Variants in SLC39A12 observed in about 807,000 individuals in gnomAD.
The protein encoded by SLC39A12 is solute carrier family 39 member 12.
A neutral mutation model predicts 71.1 loss-of-function variants in SLC39A12; 63 were observed. The observed-to-expected ratio is 0.89, with a 90% CI of 0.72 to 1.09. The LOEUF is 1.09. Ranked by LOEUF, SLC39A12 falls within the 50% of genes least tolerant of loss-of-function variation. SLC39A12 has a pLI of 0.00. For synonymous variants in SLC39A12, 351 were observed against 301.3 expected, an observed-to-expected ratio of 1.16 and a Z score of -1.71; for missense variants, 892 against 812.6, an observed-to-expected ratio of 1.10 and a Z score of -1.19.
chr10:17,961,998 TG>T, intron 3 of SLC39A12, 136 bp downstream of exon 3: 1 of 867,556 alleles, frequency 1.2e-6, no homozygotes, highest in Non-Finnish European at 1.7e-6. Context: ...GGTTATGAGA[TG>T]TTAAATGACA....
intron 5 of SLC39A12, among the ~76,000 whole-genome samples, chr10:17,979,422 CTCT>C (rs1835198458): frequency 6.6e-6 from 1 of 152,198 alleles, no homozygotes. Flanking sequence ...GCATGGTATT[CTCT>C]TCTTGTTTCT....
chr10:17,953,417 A>G lies in SLC39A12; in HGVS notation c.141A>G (p.Leu47=), dbSNP rs782723722. 1.2e-6 allele frequency: 2 copies of G among 1,614,094 alleles called. No homozygotes were observed. The highest frequency in any genetic ancestry group is 2.7e-5 in the African/African-American group (2 of 74,932). Residue 47 remains leucine (L), a synonymous_variant, in exon 2 of 13, where the codon CTA becomes CTG. Coordinates refer to ENST00000377369, the MANE Select transcript of SLC39A12 (RefSeq NM_001145195.2). The part of the protein sequence containing the change: ...RGSSGQPADL[L]QVLSAGDHPP... Reference sequence around the variant, plus strand: ...GTTCAGGCCAACCGGCAGACCTGCTACAGGTTCTCTCTGCTGGTGACCACC... The same window carrying G: ...GTTCAGGCCAACCGGCAGACCTGCTGCAGGTTCTCTCTGCTGGTGACCACC...
At chr10:18,030,442 T>C (rs908348725) in intron 12 of SLC39A12, among the ~76,000 whole-genome samples, 3 of 151,768 alleles carry the variant, frequency 2.0e-5, no homozygotes, top group Non-Finnish European at 4.4e-5. Flanking sequence ...GGTTTCACCA[T>C]GTTAGCCAGG....
chr10:17,985,473 C>T (rs1188244565), intron 6 of SLC39A12, among the ~76,000 whole-genome samples: 2 of 150,884 alleles, frequency 1.3e-5, no homozygotes, highest in Non-Finnish European at 2.9e-5. Context: ...AAAAAAATTG[C>T]AATGAGCTTT....
intron 6 of SLC39A12, 90 bp downstream of exon 6, chr10:17,981,573 C>G (rs752785765): frequency 1.5e-5 from 15 of 1,026,006 alleles, no homozygotes; most frequent in South Asian, 6.5e-5. Flanking sequence ...ATACCAGGCT[C>G]TGTTGTAAAC....
At chr10:17,984,885 A>T (rs945593346) in intron 6 of SLC39A12, among the ~76,000 whole-genome samples, 9 of 152,194 alleles carry the variant, frequency 5.9e-5, no homozygotes, top group Non-Finnish European at 1.3e-4. Flanking sequence ...AGCAATGAAA[A>T]TGTGGTAGTG....
At chr10:17,982,041 G>C (rs1351089856) in intron 6 of SLC39A12, among the ~76,000 whole-genome samples, 1 of 152,080 alleles carries the variant, frequency 6.6e-6, no homozygotes, top group Non-Finnish European at 1.5e-5. Flanking sequence ...ATCCTATAGG[G>C]CTGCCTTTCT....
At chr10:18,022,641 A>G (rs1836565030) in intron 12 of SLC39A12, among the ~76,000 whole-genome samples, 1 of 152,036 alleles carries the variant, frequency 6.6e-6, no homozygotes, top group Non-Finnish European at 1.5e-5. Context: ...CATTTCAGCC[A>G]TTTCATTCTG....
chr10:18,030,390 A>T (rs1836807004), intron 12 of SLC39A12, among the ~76,000 whole-genome samples: 1 of 151,378 alleles, frequency 6.6e-6, no homozygotes. Context: ...TGGGCCCACC[A>T]CCACACCCAG....
chr10:18,024,596 G>A (rs1223310538), intron 12 of SLC39A12, among the ~76,000 whole-genome samples: 1 of 152,148 alleles, frequency 6.6e-6, no homozygotes, highest in Admixed American at 6.5e-5. Flanking sequence ...TGAAGAGCTA[G>A]TGTTTACTTG....
rs782128004 is a variant in SLC39A12, at chr10:17,953,517, A to G, written c.241A>G (p.Met81Val). The G allele has an allele frequency of 5.6e-6, 9 of 1,614,056 alleles. No homozygotes were observed. In the Middle Eastern group the frequency reaches 8.2e-4, roughly 147 times the overall value. Reference sequence around the variant, plus strand: ...TGGGTGCCCACGGAGGAGAAACGGAATGCAAGGAGATTGCAATCTGGTTAG... The same window carrying G: ...TGGGTGCCCACGGAGGAGAAACGGAGTGCAAGGAGATTGCAATCTGGTTAG... Reference protein sequence around the residue: ...KTGCPRRRNGMQGDCNLCFEP... With the variant: ...KTGCPRRRNGVQGDCNLCFEP... The change falls in exon 2 of 13, where the codon ATG (methionine) becomes GTG (valine). Residue 81 changes from methionine (M) to valine (V), a missense_variant. Met to Val is a conservative substitution (Grantham distance 21, BLOSUM62 1). Transcript: ENST00000377369.
intron 12 of SLC39A12, chr10:18,010,408 A>G (rs1374769835): frequency 6.6e-6 from 1 of 152,234 alleles, no homozygotes; most frequent in Non-Finnish European, 1.5e-5. Context: ...ATCATTTTAA[A>G]TATCCTTTGG....
chr10:17,994,639 T>C (rs1835639326), intron 9 of SLC39A12, among the ~76,000 whole-genome samples: 1 of 152,228 alleles, frequency 6.6e-6, no homozygotes, highest in African/African-American at 2.4e-5. Context: ...TTTGTTTCTA[T>C]ATCCTCCCAA....
intron 4 of SLC39A12, among the ~76,000 whole-genome samples, chr10:17,969,888 C>T (rs560601020): frequency 9.9e-5 from 15 of 152,236 alleles, no homozygotes; most frequent in Non-Finnish European, 1.3e-4. Flanking sequence ...TTTTCCCCAA[C>T]GTTTTCTTGT....
At chr10:18,027,302 T>A in intron 12 of SLC39A12, among the ~76,000 whole-genome samples, 1 of 152,218 alleles carries the variant, frequency 6.6e-6, no homozygotes, top group Non-Finnish European at 1.5e-5. Context: ...ATTGGGTATT[T>A]TCCTTCCCCA....
intron 2 of SLC39A12, 80 bp from the exon 3 acceptor site, chr10:17,961,501 G>T: frequency 7.5e-7 from 1 of 1,334,470 alleles, no homozygotes; most frequent in Non-Finnish European, 1.0e-6. Flanking sequence ...AAGCAATGAA[G>T]ACCCTGGTGG....
chr10:17,968,870 G>A (rs572237879), intron 4 of SLC39A12, among the ~76,000 whole-genome samples: 10 of 152,044 alleles, frequency 6.6e-5, no homozygotes, highest in South Asian at 6.2e-4. Context: ...TTATCATGTC[G>A]TGCTATCAAA....
intron 6 of SLC39A12, among the ~76,000 whole-genome samples, chr10:17,985,785 T>C (rs946793208): frequency 4.6e-5 from 7 of 152,070 alleles, no homozygotes; most frequent in African/African-American, 1.7e-4. Flanking sequence ...TCTTCTCCCT[T>C]CATATATATA....
In SLC39A12 at chr10:17,953,457, T is replaced by C; in HGVS notation, c.181T>C (p.Ser61Pro). The C allele has an allele frequency of 6.2e-7, 1 of 1,613,938 alleles. No homozygotes were observed. The highest frequency in any genetic ancestry group is 8.5e-7 in the Non-Finnish European group (1 of 1,179,992). The part of the protein sequence containing the change: ...SAGDHPPHNH[S>P]RSLIKTLLEK... ...TGGTGACCACCCACCCCACAACCAC[T>C]CAAGAAGCCTCATCAAAACATTGTT... Residue 61 changes from serine to proline, a missense_variant, in exon 2 of 13, where the codon TCA (serine) becomes CCA (proline). By Grantham distance (74) the Ser-to-Pro change is moderately conservative. Coordinates refer to ENST00000377369, the MANE Select transcript of SLC39A12 (RefSeq NM_001145195.2).
Sources: gnomAD v4.1 joint callset for allele counts (sites outside exome capture counted in the v4.1 genomes callset) on GRCh38, gnomAD v4.1.1 for gene constraint, MANE v1.5 for transcripts, NCBI Gene and HGNC (gene_info 2026-07-23, HGNC 2026-07-21) for gene names.